The following CD48 variants were observed in gnomAD, a reference collection of about 807,000 sequenced individuals.
CD48 encodes CD48 antigen.
In CD48, 20 loss-of-function variants were observed where a neutral mutation model predicts 22.0. The ratio of observed to expected loss-of-function variants is 0.91; its 90% CI spans 0.64 to 1.32. CD48 has a LOEUF of 1.32. CD48 is among the 40% of genes most tolerant of loss of function. The pLI, the probability that CD48 is intolerant of heterozygous loss-of-function variation, is 0.00. For synonymous variants in CD48, 110 were observed against 110.1 expected (o/e 1.00, Z 0.01); for missense variants, 307 against 286.5 (o/e 1.07, Z -0.52).
intron 1 of CD48, among the ~76,000 whole-genome samples, chr1:160,688,401 A>G (rs1662077044): frequency 6.6e-6 from 1 of 152,258 alleles, no homozygotes; most frequent in Admixed American, 6.5e-5. Context: ...AACTCGAACC[A>G]ACATTACACT....
chr1:160,682,700 A>G (rs1306944355), intron 2 of CD48, among the ~76,000 whole-genome samples: 7 of 152,156 alleles, frequency 4.6e-5, no homozygotes, highest in Admixed American at 3.3e-4. Context: ...TGTTAGTAAG[A>G]TAAAACGTCA....
chr1:160,685,675 CTAATA>C (rs1661972467), intron 1 of CD48, among the ~76,000 whole-genome samples: 1 of 152,058 alleles, frequency 6.6e-6, no homozygotes, highest in African/African-American at 2.4e-5. Context: ...ACAAATAATC[CTAATA>C]TATTATCTTG....
chr1:160,701,981 A>G (rs1662644754), intron 1 of CD48, among the ~76,000 whole-genome samples: 2 of 152,200 alleles, frequency 1.3e-5, no homozygotes, highest in South Asian at 4.1e-4. Context: ...AGCCTATCCC[A>G]GGGCCACATG....
intron 1 of CD48, chr1:160,691,785 G>A (rs1346330823): frequency 1.1e-5 from 4 of 369,134 alleles, no homozygotes; most frequent in East Asian, 7.5e-5. Flanking sequence ...TTTTCTCTGG[G>A]GTGAAGGTAC....
chr1:160,701,222 G>T (rs1662619015), intron 1 of CD48, among the ~76,000 whole-genome samples: 1 of 108,296 alleles, frequency 9.2e-6, no homozygotes, highest in Non-Finnish European at 1.9e-5. Flanking sequence ...TAATTTTTAG[G>T]TATTAAAGCC....
At chr1:160,690,310 AG>A (rs1662163658) in intron 1 of CD48, among the ~76,000 whole-genome samples, 1 of 152,208 alleles carries the variant, frequency 6.6e-6, no homozygotes, top group Non-Finnish European at 1.5e-5. Flanking sequence ...AAACCTGAGA[AG>A]GTATCTACTG....
At chr1:160,689,250 C>T (rs529309555) in intron 1 of CD48, among the ~76,000 whole-genome samples, 53 of 152,276 alleles carry the variant, frequency 3.5e-4, no homozygotes, top group Non-Finnish European at 6.5e-4. Flanking sequence ...GCAGTGCCTT[C>T]TTCTCCTGGT....
At chr1:160,691,914 TA>T (rs1408383108) in intron 1 of CD48, 2 of 289,146 alleles carry the variant, frequency 6.9e-6, no homozygotes, top group Admixed American at 1.0e-4. Flanking sequence ...AAACTAAAAC[TA>T]AAAGTAAATA....
At chr1:160,681,172 C>A in intron 3 of CD48, 30 bp downstream of exon 3, 2 of 1,613,510 alleles carry the variant, frequency 1.2e-6, no homozygotes, top group Non-Finnish European at 1.7e-6. Flanking sequence ...TTACCCTGTG[C>A]CCCCCTCAGC....
chr1:160,701,500 T>C (rs535668), intron 1 of CD48, among the ~76,000 whole-genome samples: 130,912 of 151,362 alleles, frequency 0.86, 56,789 homozygotes, highest in East Asian at 0.98. Flanking sequence ...TGGCAGTGGC[T>C]GCCACTAAAA....
rs140932406 is a variant in CD48 at position 160,690,729 on chromosome 1, A to T, written c.83-5540T>A. ...CAATTCAGAATTATCAATATGTTTG[A>T]TAGTAGCAGTTTCTATATTTTTAGT... is the stretch of plus-strand genomic sequence containing the variant. On this transcript the variant is annotated intron_variant, in intron 1 of 3. Coordinates refer to ENST00000368046, the MANE Select transcript of CD48 (RefSeq NM_001778.4). Among the ~76,000 whole-genome samples, 790 of 152,284 alleles carry T rather than the reference A, an allele frequency of 5.2e-3. 7 individuals are homozygous for T. Among genetic ancestry groups the T allele is most frequent in the African/African-American group, 0.018 (757 of 41,552 alleles).
chr1:160,692,748 C>T (rs1250674205), intron 1 of CD48, among the ~76,000 whole-genome samples: 3 of 152,138 alleles, frequency 2.0e-5, no homozygotes, highest in East Asian at 1.9e-4. Flanking sequence ...ACGTTAGAAC[C>T]GATGCCACCT....
chr1:160,708,687 G>A (rs1484511712), intron 1 of CD48, among the ~76,000 whole-genome samples: 1 of 152,160 alleles, frequency 6.6e-6, no homozygotes, highest in African/African-American at 2.4e-5. Context: ...TAGAGGTGGG[G>A]AACAGTGGAG....
chr1:160,709,128 C>T (rs1662877188), intron 1 of CD48, among the ~76,000 whole-genome samples: 1 of 152,184 alleles, frequency 6.6e-6, no homozygotes, highest in Admixed American at 6.5e-5. Context: ...TTATTTTAAG[C>T]CACGGTATTG....
rs1662787246 is a variant in CD48 at position 160,706,146 on chromosome 1, C to T, written c.82+5536G>A. On this transcript the variant is annotated intron_variant, in intron 1 of 3. Transcript: ENST00000368046. ...CTGGAGTGCAGTGGTGCAATCTCAGCTCACTGCAACCTCCACCCCCCAGGT... is the reference window on the plus strand; with the variant it reads ...CTGGAGTGCAGTGGTGCAATCTCAGTTCACTGCAACCTCCACCCCCCAGGT... Among the ~76,000 whole-genome samples, 3 of 152,118 alleles carry T rather than the reference C, an allele frequency of 2.0e-5. No individual in the cohort carries two copies. The South Asian group carries it at 6.2e-4, about 32-fold the overall frequency.
intron 2 of CD48, 34 bp from the exon 3 acceptor site, chr1:160,681,502 G>C: frequency 1.2e-6 from 2 of 1,604,172 alleles, no homozygotes; most frequent in Non-Finnish European, 1.7e-6. Flanking sequence ...AGATGAGACA[G>C]TGAGGCATTC....
intron 1 of CD48, among the ~76,000 whole-genome samples, chr1:160,701,916 G>A (rs12402516): frequency 0.077 from 11,695 of 152,188 alleles, 595 homozygotes; most frequent in East Asian, 0.2. Flanking sequence ...TATGATGCAG[G>A]TGGGCCGTTG....
chr1:160,699,786 T>A (rs1358617307), intron 1 of CD48: 1 of 151,816 alleles, frequency 6.6e-6, no homozygotes. Context: ...CTCTCCCCAC[T>A]ATTGTCTTGT....
rs763001321 is a variant in CD48 at position 160,681,479 on chromosome 1, G to A, written c.386-11C>T. 1.4e-5 allele frequency: 22 copies of A among 1,612,250 alleles called. No individual in the cohort carries two copies. The highest frequency in any genetic ancestry group is 1.7e-6 in the Non-Finnish European group (2 of 1,179,006). On this transcript the variant is annotated splice_polypyrimidine_tract_variant and intron_variant, in intron 2 of 3. Transcript: ENST00000368046. ...GCTTGGGTACAGGGTCTGAAAGTGA[G>A]GAGGATGTTATAAGATGAGACAGTG...
Sources: gnomAD v4.1 joint callset for allele counts (sites outside exome capture counted in the v4.1 genomes callset) on GRCh38, gnomAD v4.1.1 for gene constraint, MANE v1.5 for transcripts, NCBI Gene and HGNC (gene_info 2026-07-23, HGNC 2026-07-21) for gene names.